The following LFNG variants were observed in gnomAD, a reference collection of about 807,000 sequenced individuals.
LFNG encodes the protein beta-1,3-N-acetylglucosaminyltransferase lunatic fringe.
Under a neutral mutation model 32.7 loss-of-function variants are expected in LFNG, and 15 were observed. The ratio of observed to expected loss-of-function variants is 0.46; its 90% confidence interval spans 0.31 to 0.71. The LOEUF (loss-of-function observed/expected upper bound fraction) is 0.71. LFNG is among the 30% of genes least tolerant of loss of function. The probability of loss-of-function intolerance (pLI) is 0.06; values close to 1 mark genes in which losing one functional copy is unlikely to be tolerated. For missense variants in LFNG, 520 were observed against 545.7 expected, an observed-to-expected ratio of 0.95 and a Z score of 0.47; for synonymous variants, 274 against 246.8, an observed-to-expected ratio of 1.11 and a Z score of -1.03.
chr7:2,518,877 G>A (rs1779696446), upstream of LFNG, among the ~76,000 whole-genome samples: 4 of 152,024 alleles, frequency 2.6e-5, no homozygotes, highest in African/African-American at 9.7e-5. Flanking sequence ...CTGCCGGCGC[G>A]CATTCCTGCC....
chr7:2,521,980 C>T (rs1311767271), intron 1 of LFNG, among the ~76,000 whole-genome samples: 1 of 152,162 alleles, frequency 6.6e-6, no homozygotes, highest in Admixed American at 6.5e-5. Context: ...CTGCCCTCAG[C>T]ATCAGTTCAC....
upstream of LFNG, chr7:2,518,738 CGGGAAG>C: frequency 4.2e-6 from 5 of 1,198,704 alleles, no homozygotes; most frequent in Non-Finnish European, 5.7e-6. Context: ...TAGGAGGGCA[CGGGAAG>C]ACAGCGCAGC....
chr7:2,520,166 A>C lies in LFNG; in HGVS notation c.305A>C (p.His102Pro), dbSNP rs748735447. The change falls in exon 1 of 8, where the codon CAC becomes CCC. Residue 102 changes from histidine to proline, a missense_variant. His to Pro is a moderately conservative substitution (Grantham distance 77). Transcript: ENST00000222725. The surrounding 1 kb of genome is among the most constrained non-coding windows in gnomAD (Gnocchi z 5.0). Reference protein sequence around the residue: ...PGAAPRPADGHPRPLAEPLAP... With the variant: ...PGAAPRPADGPPRPLAEPLAP... Reference sequence around the variant, plus strand: ...GCTGCCCCCCGCCCCGCCGACGGCCACCCGCGCCCCCTGGCCGAGCCGCTC... The same window carrying C: ...GCTGCCCCCCGCCCCGCCGACGGCCCCCCGCGCCCCCTGGCCGAGCCGCTC... The C allele has an allele frequency of 1.3e-6, 2 of 1,498,642 alleles. No homozygotes were observed. 92.8% of individuals were successfully genotyped at this position (1,498,642 alleles called of 1,614,324 possible).
intron 3 of LFNG, 32 bp from the exon 4 acceptor site, chr7:2,525,382 G>C: frequency 6.2e-7 from 1 of 1,612,600 alleles, no homozygotes; most frequent in Non-Finnish European, 8.5e-7. Flanking sequence ...GCCCCGGCAT[G>C]CCCTCCCCCG....
intron 1 of LFNG, among the ~76,000 whole-genome samples, chr7:2,521,786 G>C (rs1315407042): frequency 1.3e-5 from 2 of 152,238 alleles, no homozygotes; most frequent in South Asian, 2.1e-4. Context: ...GGGCCTCTCA[G>C]ACCCTCACTC....
At chr7:2,528,770 C>T (rs148742953), downstream of LFNG, 14,077 of 652,002 alleles carry the variant, frequency 0.022, 216 homozygotes, top group Non-Finnish European at 0.032. Flanking sequence ...AGCCCAGCCC[C>T]TGCAGGAGGG....
upstream of LFNG, chr7:2,513,420 TCCTTTCAAGGGG>T: frequency 1.5e-6 from 2 of 1,355,026 alleles, no homozygotes; most frequent in Non-Finnish European, 2.0e-6. Context: ...TCTTCCCTGA[TCCTTTCAAGGGG>T]GAAAGATGGC....
At chr7:2,521,761 C>T (rs1442006953) in intron 1 of LFNG, among the ~76,000 whole-genome samples, 1 of 152,234 alleles carries the variant, frequency 6.6e-6, no homozygotes, top group Non-Finnish European at 1.5e-5. Context: ...GCTGTGTGAT[C>T]CTGAGCAAGA....
Position 2,525,235 on chromosome 7 carries a change from A to G in LFNG, c.498A>G (p.Thr166=), listed in dbSNP as rs777701909. Residue 166 remains threonine (T), a synonymous_variant, in exon 3 of 8, where the codon ACA becomes ACG. Transcript: ENST00000222725. ...LARHTGNVVI[T]NCSAAHSRQA... is the part of the protein sequence containing the mutation. ...TGTCCACAGGCAACGTGGTCATCAC[A>G]AACTGCTCGGCCGCCCACAGCCGCC... The G allele has an allele frequency of 2.8e-5, 45 of 1,612,766 alleles. No individual in the cohort carries two copies. The highest frequency in any genetic ancestry group is 3.7e-5 in the Non-Finnish European group (44 of 1,179,904).
chr7:2,515,518 G>A (rs370873553), upstream of LFNG, among the ~76,000 whole-genome samples: 11 of 152,316 alleles, frequency 7.2e-5, no homozygotes, highest in East Asian at 7.7e-4. Context: ...GATGCCCCCC[G>A]AAGCCTTGCT....
In LFNG at chr7:2,527,865, A is replaced by T; in HGVS notation, c.*653A>T. On this transcript the variant is annotated 3_prime_UTR_variant, in exon 8 of 8. Coordinates refer to ENST00000222725, the MANE Select transcript of LFNG (RefSeq NM_001040167.2). This position sits in a 1 kb window ranked among gnomAD's most constrained non-coding sequence, Gnocchi z 4.4. ...CCCCTCCCAGCTCTTCTGAGTGGGG[A>T]GTCTTCCAGGCCTCCTCAGAGGTCT... The T allele has an allele frequency of 1.0e-6, 1 of 997,198 alleles. No individual in the cohort carries two copies. Among genetic ancestry groups the T allele is most frequent in the Non-Finnish European group, 1.2e-6 (1 of 835,930 alleles). The allele number at this position is 997,198 out of a possible 1,614,324, so 61.8% of individuals were successfully genotyped here. A position where few individuals can be genotyped will look rare whatever the true frequency, so the allele number is the denominator to read the frequency against.
chr7:2,524,594 C>G (rs1215740162), intron 1 of LFNG, 101 bp from the exon 2 acceptor site: 2 of 1,111,228 alleles, frequency 1.8e-6, no homozygotes, highest in Non-Finnish European at 2.7e-6. Context: ...TGTGACGCAG[C>G]TGCAGCTGCA....
Position 2,525,427 on chromosome 7 carries a change from G to A in LFNG, c.595G>A (p.Val199Met), listed in dbSNP as rs750511871. 1.2e-5 allele frequency: 19 copies of A among 1,612,782 alleles called. No homozygotes were observed. Among genetic ancestry groups the A allele is most frequent in the Middle Eastern group, 3.3e-4 (2 of 6,084 alleles). ...IESGRKWFCH[V>M]DDDNYVNLRA... is the part of the protein sequence containing the mutation. ...CCTTGTCCTCAGGTGGTTCTGCCAC[G>A]TGGACGATGACAACTACGTCAACCT... Residue 199 changes from valine (V) to methionine (M), a missense_variant, in exon 4 of 8, where the codon GTG becomes ATG. This residue lies in a region of LFNG where 360 missense variants were observed against 354.7 expected (regional missense o/e 1.01). Coordinates refer to ENST00000222725, the MANE Select transcript of LFNG (RefSeq NM_001040167.2).
chr7:2,517,184 C>A (rs903848930), upstream of LFNG, among the ~76,000 whole-genome samples: 1 of 152,142 alleles, frequency 6.6e-6, no homozygotes, highest in East Asian at 1.9e-4. Context: ...GGGAAGCGGG[C>A]GGGGGTGGCT....
At position 2,528,241 on chromosome 7, in the gene LFNG, G is replaced by A. The variant is rs1303060890; in HGVS notation, c.*1029G>A. Reference sequence around the variant, plus strand: ...AACCTCCCATCCCTGCCCTCCTCCTGTGTAGCTGCCACCTCCCCGCTGGGC... The same window carrying A: ...AACCTCCCATCCCTGCCCTCCTCCTATGTAGCTGCCACCTCCCCGCTGGGC... On this transcript the variant is annotated 3_prime_UTR_variant, in exon 8 of 8. Coordinates refer to ENST00000222725, the MANE Select transcript of LFNG (RefSeq NM_001040167.2). The A allele has an allele frequency of 5.1e-6, 5 of 986,026 alleles. No homozygotes were observed. The South Asian group carries it at 1.9e-4, about 37-fold the overall frequency. 61.1% of individuals were successfully genotyped at this position (986,026 alleles called of 1,614,324 possible). A position where few individuals can be genotyped will look rare whatever the true frequency, so the allele number is the denominator to read the frequency against.
rs771217112 is a variant in LFNG, at chr7:2,520,170, G to T, written c.309G>T (p.Pro103=). ...CCCCCCGCCCCGCCGACGGCCACCC[G>T]CGCCCCCTGGCCGAGCCGCTCGCGC... The part of the protein sequence containing the change: ...GAAPRPADGH[P]RPLAEPLAPR... The change falls in exon 1 of 8, where the codon CCG becomes CCT. Residue 103 remains proline, a synonymous_variant. Transcript: ENST00000222725. This position sits in a 1 kb window ranked among gnomAD's most constrained non-coding sequence, Gnocchi z 5.0. 2 of 1,526,764 alleles carry T rather than the reference G, an allele frequency of 1.3e-6. No homozygotes were observed. The allele number at this position is 1,526,764 out of a possible 1,614,324, so 94.6% of individuals were successfully genotyped here.
rs1240583988 is a variant in LFNG, at chr7:2,526,544, G to A, written c.987+135G>A. 1.0e-6 allele frequency: 1 copy of A among 971,952 alleles called. No homozygotes were observed. Among genetic ancestry groups the A allele is most frequent in the Non-Finnish European group, 1.6e-6 (1 of 643,536 alleles). 60.2% of individuals were successfully genotyped at this position (971,952 alleles called of 1,614,324 possible). A position where few individuals can be genotyped will look rare whatever the true frequency, so the allele number is the denominator to read the frequency against. On this transcript the variant is annotated intron_variant, in intron 6 of 7. Transcript: ENST00000222725. This position sits in a 1 kb window ranked among gnomAD's most constrained non-coding sequence, Gnocchi z 6.9. ...CAGCACTCCACTGTCAGCCAGGGGG[G>A]GTCACTCCTGCCATGAGCTCAAAGC...
In LFNG at chr7:2,527,647, C is replaced by T. The variant is rs1057208590; in HGVS notation, c.*435C>T. On this transcript the variant is annotated 3_prime_UTR_variant, in exon 8 of 8. Coordinates refer to ENST00000222725, the MANE Select transcript of LFNG (RefSeq NM_001040167.2). This position sits in a 1 kb window ranked among gnomAD's most constrained non-coding sequence, Gnocchi z 4.4. The stretch of plus-strand genomic sequence containing the variant: ...TACCTGTGCCCTGAAGTCCTGGCCC[C>T]TGTGTCATAGCCCCAAGTACGACTC... 1.1e-5 allele frequency: 13 copies of T among 1,147,628 alleles called. 1 individual carries two copies. The South Asian group carries it at 2.3e-4, about 20-fold the overall frequency. The allele number at this position is 1,147,628 out of a possible 1,614,324, so 71.1% of individuals were successfully genotyped here.
At chr7:2,524,176 G>A (rs996137969) in intron 1 of LFNG, among the ~76,000 whole-genome samples, 8 of 152,172 alleles carry the variant, frequency 5.3e-5, no homozygotes, top group African/African-American at 1.4e-4. Context: ...CTTGGCAGCC[G>A]CCCAGCGAAG....
Sources: gnomAD v4.1 joint callset for allele counts (sites outside exome capture counted in the v4.1 genomes callset) on GRCh38, gnomAD v4.1.1 for gene constraint, gnomAD v4.1.1 regional missense constraint, Gnocchi (gnomAD v3.1) non-coding constraint, MANE v1.5 for transcripts, NCBI Gene and HGNC (gene_info 2026-07-23, HGNC 2026-07-21) for gene names.